The following GRIN2B variants were observed in gnomAD, a reference collection of about 807,000 sequenced individuals.
GRIN2B encodes the protein glutamate ionotropic receptor NMDA type subunit 2B.
In GRIN2B, 5 loss-of-function variants were observed where a neutral mutation model predicts 114.5. That is an observed-to-expected ratio of 0.04 (90% CI 0.02 to 0.09). GRIN2B has a LOEUF of 0.09. Among genes scored for constraint, GRIN2B ranks in the 10% least tolerant of loss-of-function variants. The pLI is 1.00. For synonymous variants in GRIN2B, 787 were observed against 745.1 expected (o/e 1.06, Z -0.92); for missense variants, 1,108 against 1,943.5 (o/e 0.57, Z 8.08).
At chr12:13,919,305 A>G (rs1866785420) in intron 2 of GRIN2B, among the ~76,000 whole-genome samples, 1 of 152,102 alleles carries the variant, frequency 6.6e-6, no homozygotes, top group Non-Finnish European at 1.5e-5. Flanking sequence ...ATGTACGTAA[A>G]AAGCCAAAAA....
intron 5 of GRIN2B, among the ~76,000 whole-genome samples, chr12:13,636,233 A>C (rs949623925): frequency 6.6e-6 from 1 of 152,156 alleles, no homozygotes; most frequent in South Asian, 2.1e-4. Flanking sequence ...TGTCTAAGGA[A>C]TAGCAAGTTG....
intron 5 of GRIN2B, among the ~76,000 whole-genome samples, chr12:13,635,564 T>C (rs1805545): frequency 0.27 from 40,641 of 152,028 alleles, 6,452 homozygotes; most frequent in East Asian, 0.6. Context: ...GTCTGCAGTC[T>C]CTGTTGGAAA....
intron 3 of GRIN2B, among the ~76,000 whole-genome samples, chr12:13,842,722 A>T (rs1865398676): frequency 6.6e-6 from 1 of 152,118 alleles, no homozygotes; most frequent in African/African-American, 2.4e-5. Context: ...AAGTAGGCTA[A>T]CTTCTACAGT....
At chr12:13,834,197 A>ATTT (rs756189402) in intron 3 of GRIN2B, among the ~76,000 whole-genome samples, 19 of 111,502 alleles carry the variant, frequency 1.7e-4, no homozygotes, top group African/African-American at 5.8e-4. Context: ...CGCCTGGCTA[A>ATTT]TTTTTTTTTT....
At chr12:13,751,763 T>C (rs1863487701) in intron 4 of GRIN2B, among the ~76,000 whole-genome samples, 1 of 152,156 alleles carries the variant, frequency 6.6e-6, no homozygotes, top group Non-Finnish European at 1.5e-5. Context: ...AGGGAGAGGT[T>C]GCAACCAGAG....
intron 5 of GRIN2B, among the ~76,000 whole-genome samples, chr12:13,628,583 C>G (rs11608896): frequency 3.9e-5 from 6 of 152,088 alleles, no homozygotes; most frequent in Admixed American, 3.3e-4. Flanking sequence ...TTTAGTAAAC[C>G]AATCAAACAA....
At chr12:13,748,946 A>G (rs1481744505) in intron 4 of GRIN2B, among the ~76,000 whole-genome samples, 1 of 152,218 alleles carries the variant, frequency 6.6e-6, no homozygotes, top group South Asian at 2.1e-4. Flanking sequence ...CTGAAATTCA[A>G]ATTTAACTTG....
intron 3 of GRIN2B, among the ~76,000 whole-genome samples, chr12:13,781,938 C>G (rs1432591009): frequency 6.6e-6 from 1 of 152,124 alleles, no homozygotes; most frequent in East Asian, 1.9e-4. Context: ...AAAATATAAG[C>G]AAATTGAGTC....
At chr12:13,650,318 G>A (rs1364616409) in intron 5 of GRIN2B, among the ~76,000 whole-genome samples, 6 of 144,594 alleles carry the variant, frequency 4.1e-5, no homozygotes, top group Non-Finnish European at 9.1e-5. Context: ...CCTGAAACCT[G>A]TCCCCTTCCT....
At chr12:13,597,834 T>C (rs756130046) in intron 10 of GRIN2B, among the ~76,000 whole-genome samples, 10 of 152,222 alleles carry the variant, frequency 6.6e-5, no homozygotes, top group Non-Finnish European at 8.8e-5. Context: ...TAGAACCATA[T>C]GTGAAGAGTT....
chr12:13,655,920 C>T (rs1298876370), intron 5 of GRIN2B, among the ~76,000 whole-genome samples: 2 of 152,192 alleles, frequency 1.3e-5, no homozygotes, highest in Non-Finnish European at 1.5e-5. Context: ...TCCTTACTTT[C>T]ATTTCCTCTG....
intron 4 of GRIN2B, among the ~76,000 whole-genome samples, chr12:13,678,695 C>T (rs1383825785): frequency 6.6e-6 from 1 of 152,092 alleles, no homozygotes; most frequent in Admixed American, 6.6e-5. Context: ...TCACCCAAGC[C>T]CATCATTAGT....
chr12:13,728,930 C>T (rs1460296175), intron 4 of GRIN2B, among the ~76,000 whole-genome samples: 1 of 152,178 alleles, frequency 6.6e-6, no homozygotes, highest in Non-Finnish European at 1.5e-5. Context: ...ATTTTCTGTT[C>T]TTTATTAAAT....
chr12:13,765,215 C>T (rs1443114112), intron 3 of GRIN2B, among the ~76,000 whole-genome samples: 1 of 152,220 alleles, frequency 6.6e-6, no homozygotes, highest in Admixed American at 6.5e-5. Flanking sequence ...AGCCCAAGAT[C>T]TCAAAGAACA....
chr12:13,730,344 T>C (rs1863066542), intron 4 of GRIN2B, among the ~76,000 whole-genome samples: 1 of 152,188 alleles, frequency 6.6e-6, no homozygotes, highest in Admixed American at 6.5e-5. Flanking sequence ...GATAGCCCAA[T>C]AAAACAAGCA....
chr12:13,822,768 T>C (rs566750384), intron 3 of GRIN2B, among the ~76,000 whole-genome samples: 1 of 139,622 alleles, frequency 7.2e-6, no homozygotes, highest in East Asian at 2.3e-4. Flanking sequence ...CGCCAATCTT[T>C]TGATATAGGA....
At chr12:13,668,960 G>A (rs551676356) in intron 5 of GRIN2B, among the ~76,000 whole-genome samples, 29 of 145,360 alleles carry the variant, frequency 2.0e-4, no homozygotes, top group Non-Finnish European at 3.2e-4. Context: ...AGAGAGGGGC[G>A]GTTGGAAGGG....
At chr12:13,630,886 G>T (rs1949610282) in intron 5 of GRIN2B, among the ~76,000 whole-genome samples, 1 of 152,154 alleles carries the variant, frequency 6.6e-6, no homozygotes, top group African/African-American at 2.4e-5. Context: ...AGGTTTAATT[G>T]ATTCATAATT....
chr12:13,814,416 A>G (rs1864782497), intron 3 of GRIN2B, among the ~76,000 whole-genome samples: 1 of 152,214 alleles, frequency 6.6e-6, no homozygotes, highest in South Asian at 2.1e-4. Context: ...TGCTTATTTT[A>G]TATGTTTTAG....
Sources: allele counts gnomAD v4.1 joint callset (sites outside exome capture counted in the v4.1 genomes callset), GRCh38; gene constraint gnomAD v4.1.1; transcripts MANE v1.5; gene names NCBI Gene and HGNC (gene_info 2026-07-23, HGNC 2026-07-21).